The following PRKG1 variants were observed in gnomAD, a reference collection of about 807,000 sequenced individuals.
The protein encoded by PRKG1 is protein kinase cGMP-dependent 1.
In PRKG1, 35 loss-of-function variants were observed where a neutral mutation model predicts 88.1. The observed-to-expected ratio is 0.40, with a 90% confidence interval of 0.30 to 0.53. The LOEUF (loss-of-function observed/expected upper bound fraction) is 0.53, where lower values mean the gene tolerates loss of function less well. PRKG1 is among the 20% of genes least tolerant of loss of function. PRKG1 has a pLI of 0.59. For synonymous variants in PRKG1, 303 were observed against 292.5 expected (o/e 1.04, Z -0.37); for missense variants, 540 against 839.8 (o/e 0.64, Z 4.41).
At chr10:52,284,491 C>T (rs1842068575) in intron 14 of PRKG1, among the ~76,000 whole-genome samples, 1 of 132,786 alleles carries the variant, frequency 7.5e-6, no homozygotes, top group Non-Finnish European at 1.6e-5. Context: ...GAGACGGTGG[C>T]CAGGGGTGGG....
At chr10:51,293,196 T>C (rs1443794311) in intron 2 of PRKG1, among the ~76,000 whole-genome samples, 1 of 111,312 alleles carries the variant, frequency 9.0e-6, no homozygotes, top group Non-Finnish European at 1.7e-5. Flanking sequence ...AGTTACCATT[T>C]TTTCTTTCTT....
At chr10:52,101,449 GC>G (rs1377702875) in intron 7 of PRKG1, among the ~76,000 whole-genome samples, 3 of 152,146 alleles carry the variant, frequency 2.0e-5, no homozygotes, top group African/African-American at 7.2e-5. Flanking sequence ...CTCATATATT[GC>G]CTAGGGATTT....
chr10:52,083,017 G>C (rs958001809), intron 7 of PRKG1, among the ~76,000 whole-genome samples: 5 of 152,172 alleles, frequency 3.3e-5, no homozygotes, highest in African/African-American at 1.2e-4. Context: ...ATTTGCTTCT[G>C]AATAATCGAG....
rs369598751 is a variant in PRKG1 at position 51,858,389 on chromosome 10, T to A, written c.699-49118T>A. On this transcript the variant is annotated intron_variant, in intron 4 of 17. Coordinates refer to ENST00000373980, the MANE Select transcript of PRKG1 (RefSeq NM_006258.4). ...ATATAATATATATAAAATATATATA[T>A]AATATATATAATATATATAAAATAT... 9.0e-4 allele frequency among the ~76,000 whole-genome samples: 27 copies of A among 30,096 alleles called. 6 individuals carry two copies. Among genetic ancestry groups the A allele is most frequent in the African/African-American group, 1.4e-3 (14 of 9,794 alleles). The allele number at this position is 30,096 out of a possible 152,430, so 19.7% of individuals were successfully genotyped here. A position where few individuals can be genotyped will look rare whatever the true frequency, so the allele number is the denominator to read the frequency against.
At chr10:52,060,284 G>A (rs1196388119) in intron 6 of PRKG1, among the ~76,000 whole-genome samples, 1 of 151,754 alleles carries the variant, frequency 6.6e-6, no homozygotes, top group Non-Finnish European at 1.5e-5. Flanking sequence ...GAAAAATTAG[G>A]AAAAAATTAA....
At chr10:51,977,454 A>G (rs562918594) in intron 5 of PRKG1, among the ~76,000 whole-genome samples, 6 of 152,144 alleles carry the variant, frequency 3.9e-5, no homozygotes, top group African/African-American at 1.4e-4. Context: ...TCTTTATAGT[A>G]GAATGATTGA....
chr10:51,353,599 T>G (rs1842300209), intron 2 of PRKG1, among the ~76,000 whole-genome samples: 2 of 152,068 alleles, frequency 1.3e-5, no homozygotes, highest in Admixed American at 6.6e-5. Context: ...CAATGAGATA[T>G]CATCTCACCT....
At chr10:51,034,722 G>C (rs1266528899) in intron 1 of PRKG1, among the ~76,000 whole-genome samples, 1 of 100,318 alleles carries the variant, frequency 1.0e-5, no homozygotes, top group East Asian at 3.4e-4. Flanking sequence ...TAAAAATTAC[G>C]GTAAAATTGC....
chr10:51,478,038 G>A (rs1840249366), intron 3 of PRKG1, among the ~76,000 whole-genome samples: 1 of 151,966 alleles, frequency 6.6e-6, no homozygotes, highest in South Asian at 2.1e-4. Context: ...TCTGTGAAGA[G>A]GTAAAGGGTA....
intron 3 of PRKG1, among the ~76,000 whole-genome samples, chr10:51,729,971 C>T (rs1381003677): frequency 6.6e-6 from 1 of 152,102 alleles, no homozygotes; most frequent in Admixed American, 6.5e-5. Context: ...CCTCCCACAC[C>T]ACGGTGGTAC....
At chr10:51,635,163 G>A (rs536541623) in intron 3 of PRKG1, among the ~76,000 whole-genome samples, 5 of 151,960 alleles carry the variant, frequency 3.3e-5, no homozygotes, top group South Asian at 2.1e-4. Context: ...CTGCATTTGG[G>A]TTCTGTGCAG....
At chr10:51,061,332 GA>G (rs1843690458) in intron 1 of PRKG1, among the ~76,000 whole-genome samples, 1 of 152,134 alleles carries the variant, frequency 6.6e-6, no homozygotes, top group South Asian at 2.1e-4. Context: ...AATAGCACGG[GA>G]AAAACCTACC....
At chr10:51,793,262 ACAATGAGTGAAATGGAAAATG>A (rs1838919734) in intron 3 of PRKG1, among the ~76,000 whole-genome samples, 1 of 151,984 alleles carries the variant, frequency 6.6e-6, no homozygotes, top group Non-Finnish European at 1.5e-5. Context: ...GCTGAAAAAT[ACAATGAGTGAAATGGAAAATG>A]CAATGGAGAG....
At chr10:52,108,374 T>A (rs905567386) in intron 7 of PRKG1, among the ~76,000 whole-genome samples, 22 of 152,244 alleles carry the variant, frequency 1.4e-4, no homozygotes, top group African/African-American at 5.3e-4. Flanking sequence ...CATGTTTTTT[T>A]CAGGGAACTC....
intron 2 of PRKG1, among the ~76,000 whole-genome samples, chr10:51,178,442 G>T (rs552819701): frequency 1.1e-4 from 17 of 152,090 alleles, no homozygotes; most frequent in Non-Finnish European, 1.9e-4. Flanking sequence ...ACTTAGACCA[G>T]CCTGGAGAAC....
intron 3 of PRKG1, among the ~76,000 whole-genome samples, chr10:51,704,246 C>CAGATAGATAGATAGATAGATAGAT (rs1464008954): frequency 6.6e-5 from 10 of 150,652 alleles, no homozygotes; most frequent in African/African-American, 2.4e-4. Flanking sequence ...GACAGACAGA[C>CAGATAGATAGATAGATAGATAGAT]AGACAGATAG....
chr10:51,940,687 G>T (rs980051797), intron 5 of PRKG1, among the ~76,000 whole-genome samples: 4 of 151,730 alleles, frequency 2.6e-5, no homozygotes, highest in Non-Finnish European at 5.9e-5. Flanking sequence ...GAGGAGTGAG[G>T]GGAGGGTTTT....
chr10:51,347,787 C>T (rs1041447167), intron 2 of PRKG1, among the ~76,000 whole-genome samples: 5 of 151,890 alleles, frequency 3.3e-5, no homozygotes, highest in South Asian at 4.2e-4. Context: ...AAAGGCTGGG[C>T]GCGGTGGCTC....
chr10:51,869,395 T>C (rs1841100059), intron 4 of PRKG1, among the ~76,000 whole-genome samples: 1 of 152,204 alleles, frequency 6.6e-6, no homozygotes, highest in Non-Finnish European at 1.5e-5. Context: ...CTGTTTTTTT[T>C]TTAATAAAGT....
Sources: allele counts gnomAD v4.1 joint callset (sites outside exome capture counted in the v4.1 genomes callset), GRCh38; gene constraint gnomAD v4.1.1; transcripts MANE v1.5; gene names NCBI Gene and HGNC (gene_info 2026-07-23, HGNC 2026-07-21).